Variants in TOX observed in about 807,000 individuals in gnomAD.
TOX encodes the protein thymocyte selection-associated high mobility group box protein TOX.
Under a neutral mutation model 53.7 loss-of-function variants are expected in TOX, and 11 were observed. That is an observed-to-expected ratio of 0.20 (90% CI 0.13 to 0.34). TOX has a LOEUF of 0.34. Among genes scored for constraint, TOX ranks in the 10% least tolerant of loss-of-function variants. TOX has a pLI of 1.00. For synonymous variants in TOX, 225 were observed against 245.3 expected (o/e 0.92, Z 0.77); for missense variants, 570 against 664.6 (o/e 0.86, Z 1.56).
intron 5 of TOX, among the ~76,000 whole-genome samples, chr8:58,831,074 G>A (rs776954872): frequency 1.3e-5 from 2 of 152,122 alleles, no homozygotes; most frequent in Non-Finnish European, 2.9e-5. Context: ...TCACAAAGTG[G>A]TATTCAGAGG....
At chr8:58,999,612 G>A (rs188790261) in intron 1 of TOX, among the ~76,000 whole-genome samples, 303 of 152,276 alleles carry the variant, frequency 2.0e-3, no homozygotes, top group African/African-American at 6.8e-3. Context: ...ATCACTTTGA[G>A]GTAGGATGCT....
intron 1 of TOX, among the ~76,000 whole-genome samples, chr8:59,106,202 C>T (rs965446656): frequency 1.3e-5 from 2 of 151,972 alleles, no homozygotes; most frequent in Non-Finnish European, 2.9e-5. Flanking sequence ...CCTCCCCCAC[C>T]CCAGGCCAGA....
chr8:58,906,182 T>C (rs1181198634), intron 3 of TOX, among the ~76,000 whole-genome samples: 1 of 152,210 alleles, frequency 6.6e-6, no homozygotes, highest in African/African-American at 2.4e-5. Context: ...ACATGCTTTT[T>C]TCAAACACTG....
rs1164853845 is a variant in TOX, at chr8:59,076,018, AAG to A, written c.102+42866_102+42867del. Among the ~76,000 whole-genome samples, 494 of 139,874 alleles carry A rather than the reference AAG, an allele frequency of 3.5e-3. 5 individuals are homozygous for A. Among genetic ancestry groups the A allele is most frequent in the African/African-American group, 0.014 (445 of 32,114 alleles). 91.8% of individuals were successfully genotyped at this position (139,874 alleles called of 152,430 possible). A position where few individuals can be genotyped will look rare whatever the true frequency, so the allele number is the denominator to read the frequency against. On this transcript the variant is annotated intron_variant, in intron 1 of 8. Coordinates refer to ENST00000361421, the MANE Select transcript of TOX (RefSeq NM_014729.3). ...GAAACTCCATCTCAAAAAAAAAAAAAAGGGGGTCAGGAAGGGCCTACATGAGG... is the reference window on the plus strand; with the variant it reads ...GAAACTCCATCTCAAAAAAAAAAAAAGGGGTCAGGAAGGGCCTACATGAGG...
chr8:59,089,922 C>G (rs1376267788), intron 1 of TOX, among the ~76,000 whole-genome samples: 1 of 152,184 alleles, frequency 6.6e-6, no homozygotes, highest in Non-Finnish European at 1.5e-5. Flanking sequence ...TCCATCCATG[C>G]TAGGAACTTA....
intron 1 of TOX, among the ~76,000 whole-genome samples, chr8:59,038,774 C>T (rs1376729507): frequency 6.6e-6 from 1 of 152,230 alleles, no homozygotes; most frequent in African/African-American, 2.4e-5. Context: ...CCATCTTGGG[C>T]ACTTTTGACT....
chr8:59,008,612 T>C (rs73254439), intron 1 of TOX, among the ~76,000 whole-genome samples: 5,271 of 152,220 alleles, frequency 0.035, 264 homozygotes, highest in African/African-American at 0.12. Flanking sequence ...CCATGAGTCA[T>C]TGGTCTGGAA....
At chr8:58,937,401 C>T (rs993707542) in intron 3 of TOX, among the ~76,000 whole-genome samples, 4 of 152,188 alleles carry the variant, frequency 2.6e-5, no homozygotes, top group African/African-American at 9.7e-5. Context: ...CAGAAGGAAG[C>T]TCCTGATAGG....
chr8:58,998,854 A>G (rs1036874405), intron 1 of TOX, among the ~76,000 whole-genome samples: 3 of 151,964 alleles, frequency 2.0e-5, no homozygotes, highest in African/African-American at 7.2e-5. Context: ...TAGGACAGGT[A>G]TGAGTGCAAA....
At chr8:59,019,591 T>C (rs866916411) in intron 1 of TOX, among the ~76,000 whole-genome samples, 7 of 152,230 alleles carry the variant, frequency 4.6e-5, no homozygotes, top group African/African-American at 7.2e-5. Flanking sequence ...TGTGTCTCAA[T>C]TGACAAAATA....
intron 1 of TOX, among the ~76,000 whole-genome samples, chr8:58,982,745 T>C (rs955238906): frequency 6.6e-6 from 1 of 152,190 alleles, no homozygotes; most frequent in African/African-American, 2.4e-5. Flanking sequence ...CCATTCAATA[T>C]AACTCTGAAA....
intron 1 of TOX, among the ~76,000 whole-genome samples, chr8:59,021,108 CAA>C (rs35493437): frequency 2.2e-5 from 2 of 92,008 alleles, no homozygotes. Context: ...GACCCTGTCT[CAA>C]AAAAAAAAAA....
intron 1 of TOX, among the ~76,000 whole-genome samples, chr8:58,997,163 A>G (rs551000821): frequency 1.3e-5 from 2 of 152,334 alleles, no homozygotes; most frequent in South Asian, 4.1e-4. Flanking sequence ...TTTTCCTCCA[A>G]ATACTCTCAG....
intron 3 of TOX, among the ~76,000 whole-genome samples, chr8:58,901,604 A>G (rs1398445840): frequency 6.6e-6 from 1 of 152,186 alleles, no homozygotes; most frequent in Admixed American, 6.6e-5. Context: ...GTACTTGTCT[A>G]AAATGAGTTA....
intron 3 of TOX, among the ~76,000 whole-genome samples, chr8:58,886,120 A>T (rs1195120730): frequency 6.6e-6 from 1 of 152,084 alleles, no homozygotes; most frequent in Non-Finnish European, 1.5e-5. Flanking sequence ...AGCCTCTGAG[A>T]GGTTTCAGGA....
intron 3 of TOX, among the ~76,000 whole-genome samples, chr8:58,907,851 T>A (rs1811843853): frequency 6.6e-6 from 1 of 152,222 alleles, no homozygotes; most frequent in East Asian, 1.9e-4. Flanking sequence ...AGAAAGCCTA[T>A]ATGAGGCAAG....
chr8:58,989,524 C>T (rs1349411158), intron 1 of TOX, among the ~76,000 whole-genome samples: 2 of 152,040 alleles, frequency 1.3e-5, no homozygotes, highest in African/African-American at 4.8e-5. Flanking sequence ...CACATTTTTG[C>T]CTTGCTTTGT....
intron 1 of TOX, among the ~76,000 whole-genome samples, chr8:59,058,034 A>C (rs374901893): frequency 1.5e-4 from 23 of 152,222 alleles, no homozygotes; most frequent in African/African-American, 5.5e-4. Flanking sequence ...TAAAATATAA[A>C]ACCAATATCC....
At chr8:58,813,227 A>C (rs190216166) in intron 7 of TOX, among the ~76,000 whole-genome samples, 2 of 152,330 alleles carry the variant, frequency 1.3e-5, no homozygotes, top group East Asian at 3.9e-4. Flanking sequence ...AAATATTTGA[A>C]AACTATTCAG....
Sources: gnomAD v4.1 joint callset for allele counts (sites outside exome capture counted in the v4.1 genomes callset) on GRCh38, gnomAD v4.1.1 for gene constraint, MANE v1.5 for transcripts, NCBI Gene and HGNC (gene_info 2026-07-23, HGNC 2026-07-21) for gene names.